PRKAR2B: variants seen among roughly 807,000 people sequenced by gnomAD.
PRKAR2B encodes the protein protein kinase cAMP-dependent type II regulatory subunit beta, also known as cAMP-dependent protein kinase type II-beta regulatory subunit.
A neutral mutation model predicts 49.9 loss-of-function variants in PRKAR2B; 14 were observed. The ratio of observed to expected loss-of-function variants is 0.28; its 90% CI spans 0.19 to 0.44. PRKAR2B has a LOEUF of 0.44. Among genes scored for constraint, PRKAR2B ranks in the 20% least tolerant of loss-of-function variants. The probability of loss-of-function intolerance (pLI) is 1.00; values close to 1 mark genes in which losing one functional copy is unlikely to be tolerated. For synonymous variants in PRKAR2B, 196 were observed against 197.7 expected (o/e 0.99, Z 0.07); for missense variants, 393 against 537.9 (o/e 0.73, Z 2.67).
At chr7:107,091,490 T>G (rs1481185715) in intron 2 of PRKAR2B, among the ~76,000 whole-genome samples, 1 of 152,182 alleles carries the variant, frequency 6.6e-6, no homozygotes, top group Non-Finnish European at 1.5e-5. Flanking sequence ...AGGAGCTGCG[T>G]GCACATTCCA....
At chr7:107,151,076 G>A (rs1015407868) in intron 7 of PRKAR2B, 53 bp downstream of exon 7, 12 of 1,082,740 alleles carry the variant, frequency 1.1e-5, no homozygotes, top group South Asian at 2.1e-5. Context: ...TTTCTGTTTT[G>A]CTAGGAATAT....
chr7:107,095,921 AT>A (rs1794828060), intron 2 of PRKAR2B, among the ~76,000 whole-genome samples: 1 of 152,080 alleles, frequency 6.6e-6, no homozygotes, highest in Non-Finnish European at 1.5e-5. Flanking sequence ...TTCATTGAGG[AT>A]TTTTGCATCG....
intron 6 of PRKAR2B, among the ~76,000 whole-genome samples, chr7:107,147,302 ACT>A (rs1188443018): frequency 6.6e-6 from 1 of 151,792 alleles, no homozygotes; most frequent in Non-Finnish European, 1.5e-5. Context: ...ACAGAGCGAG[ACT>A]CTGTCTCAAA....
intron 2 of PRKAR2B, among the ~76,000 whole-genome samples, chr7:107,085,870 A>G (rs995787436): frequency 1.3e-5 from 2 of 152,320 alleles, no homozygotes; most frequent in African/African-American, 4.8e-5. Context: ...AAATACCTGC[A>G]TAGTTTTGCA....
chr7:107,134,421 A>G (rs1384082094), intron 4 of PRKAR2B, among the ~76,000 whole-genome samples: 1 of 152,220 alleles, frequency 6.6e-6, no homozygotes, highest in Non-Finnish European at 1.5e-5. Flanking sequence ...TGTTTATACA[A>G]GTTTAAACTA....
At chr7:107,109,777 A>G (rs1240562974) in intron 2 of PRKAR2B, among the ~76,000 whole-genome samples, 1 of 152,234 alleles carries the variant, frequency 6.6e-6, no homozygotes, top group East Asian at 1.9e-4. Flanking sequence ...CTTAAAAAAA[A>G]TAGTAAAAGT....
intron 1 of PRKAR2B, among the ~76,000 whole-genome samples, chr7:107,055,316 G>T (rs1226072709): frequency 6.6e-6 from 1 of 152,114 alleles, no homozygotes; most frequent in Non-Finnish European, 1.5e-5. Context: ...ATAATCCTTT[G>T]GGTATATACC....
chr7:107,082,490 AATT>A (rs1161075997), intron 2 of PRKAR2B, among the ~76,000 whole-genome samples: 3 of 152,198 alleles, frequency 2.0e-5, no homozygotes, highest in Admixed American at 2.0e-4. Flanking sequence ...TGTAATTCAG[AATT>A]ATATTTTATT....
chr7:107,112,174 T>TAA lies in PRKAR2B; in HGVS notation c.344-9753_344-9752dup, dbSNP rs749209141. 6.1e-3 allele frequency among the ~76,000 whole-genome samples: 275 copies of TAA among 44,770 alleles called. 10 individuals are homozygous for TAA. Among genetic ancestry groups the TAA allele is most frequent in the African/African-American group, 0.024 (234 of 9,804 alleles). The allele number at this position is 44,770 out of a possible 152,430, so 29.4% of individuals were successfully genotyped here. ...GGGTGACAGAGCAAGACTGTGTCTCTAAAAAAAAAAAAAAAAAAAAAAAAA... is the reference window on the plus strand; with the variant it reads ...GGGTGACAGAGCAAGACTGTGTCTCTAAAAAAAAAAAAAAAAAAAAAAAAAAA... On this transcript the variant is annotated intron_variant, in intron 2 of 10. Transcript: ENST00000265717.
At chr7:107,112,003 CAA>C (rs71134251) in intron 2 of PRKAR2B, among the ~76,000 whole-genome samples, 16 of 46,182 alleles carry the variant, frequency 3.5e-4, no homozygotes, top group South Asian at 2.7e-3. Flanking sequence ...CCTCCTCTAC[CAA>C]AAAAAAAAAA....
intron 2 of PRKAR2B, among the ~76,000 whole-genome samples, chr7:107,090,184 G>A (rs1186144482): frequency 6.6e-6 from 1 of 152,210 alleles, no homozygotes; most frequent in Non-Finnish European, 1.5e-5. Flanking sequence ...GGGTAGGGGT[G>A]CAGTTGGATT....
intron 2 of PRKAR2B, among the ~76,000 whole-genome samples, chr7:107,097,434 G>C (rs7800621): frequency 0.52 from 79,533 of 151,870 alleles, 22,318 homozygotes; most frequent in South Asian, 0.63. Flanking sequence ...GTGAATACAG[G>C]ACACTGATGA....
chr7:107,150,454 C>G (rs1795963111), intron 6 of PRKAR2B, among the ~76,000 whole-genome samples: 1 of 151,920 alleles, frequency 6.6e-6, no homozygotes, highest in Non-Finnish European at 1.5e-5. Context: ...ATGATCACAT[C>G]AGGGTAAATG....
At chr7:107,075,524 C>G (rs1332462498) in intron 2 of PRKAR2B, among the ~76,000 whole-genome samples, 1 of 152,002 alleles carries the variant, frequency 6.6e-6, no homozygotes, top group Non-Finnish European at 1.5e-5. Context: ...CTCACCCTCC[C>G]TAGTAACTGG....
rs568713085 is a variant in PRKAR2B at position 107,093,294 on chromosome 7, T to C, written c.343+22978T>C. 3.3e-5 allele frequency among the ~76,000 whole-genome samples: 5 copies of C among 152,276 alleles called. No individual in the cohort carries two copies. The South Asian group carries it at 8.3e-4, about 25-fold the overall frequency. On this transcript the variant is annotated intron_variant, in intron 2 of 10. Transcript: ENST00000265717. ...TGTTTATTTTTTTGAGGAACTGCTG[T>C]GCTGTTTTCCATGGTGCTGCACCAT...
At chr7:107,097,077 G>A (rs1794853646) in intron 2 of PRKAR2B, among the ~76,000 whole-genome samples, 1 of 152,272 alleles carries the variant, frequency 6.6e-6, no homozygotes, top group South Asian at 2.1e-4. Context: ...TTAACTTTCT[G>A]TCTCATTGAT....
At chr7:107,102,573 C>G (rs1794993056) in intron 2 of PRKAR2B, among the ~76,000 whole-genome samples, 1 of 152,206 alleles carries the variant, frequency 6.6e-6, no homozygotes, top group Non-Finnish European at 1.5e-5. Context: ...CCCAGAGTTT[C>G]TTGAGCAAAG....
rs996599683 is a variant in PRKAR2B, at chr7:107,159,537, T to C, written c.1212T>C (p.Val404=). Reference sequence around the variant, plus strand: ...TCGCTACCTATGAAGAACAGTTAGTTGCCCTGTTTGGAACGAACATGGATA... The same window carrying C: ...TCGCTACCTATGAAGAACAGTTAGTCGCCCTGTTTGGAACGAACATGGATA... ...RNIATYEEQL[V]ALFGTNMDIV... Residue 404 remains valine, a synonymous_variant, in exon 11 of 11, where the codon GTT becomes GTC. Coordinates refer to ENST00000265717, the MANE Select transcript of PRKAR2B (RefSeq NM_002736.3). 1.9e-6 allele frequency: 3 copies of C among 1,614,084 alleles called. No homozygotes were observed. In the Admixed American group the frequency reaches 5.0e-5, roughly 27 times the overall value.
chr7:107,058,599 G>A (rs1793960810), intron 1 of PRKAR2B, among the ~76,000 whole-genome samples: 1 of 152,072 alleles, frequency 6.6e-6, no homozygotes. Flanking sequence ...ACTGTTAACA[G>A]CAGTTTACCA....
Sources: allele counts gnomAD v4.1 joint callset (sites outside exome capture counted in the v4.1 genomes callset), GRCh38; gene constraint gnomAD v4.1.1; transcripts MANE v1.5; gene names NCBI Gene and HGNC (gene_info 2026-07-23, HGNC 2026-07-21).